Variants in COL25A1 observed in about 807,000 individuals in gnomAD.
The protein encoded by COL25A1 is collagen type XXV alpha 1 chain.
In COL25A1, 103 loss-of-function variants were observed where a neutral mutation model predicts 128.4. That is an observed-to-expected ratio of 0.80 (90% CI 0.68 to 0.94). COL25A1 has a LOEUF of 0.94. Ranked by LOEUF, COL25A1 falls within the 40% of genes least tolerant of loss-of-function variation. The pLI is 0.00. For synonymous variants in COL25A1, 279 were observed against 277.2 expected, an observed-to-expected ratio of 1.01 and a Z score of -0.06; for missense variants, 745 against 840.0, an observed-to-expected ratio of 0.89 and a Z score of 1.40.
intron 21 of COL25A1, among the ~76,000 whole-genome samples, 169 bp downstream of exon 21, chr4:108,863,150 G>A (rs1737461915): frequency 6.6e-6 from 1 of 152,202 alleles, no homozygotes; most frequent in Non-Finnish European, 1.5e-5. Context: ...TTAACAGGGT[G>A]AGGTGAATTG....
intron 3 of COL25A1, among the ~76,000 whole-genome samples, chr4:109,191,499 G>A (rs1270969551): frequency 2.0e-5 from 3 of 152,136 alleles, no homozygotes; most frequent in African/African-American, 7.2e-5. Context: ...TTCCAGCCAC[G>A]TTCCCTGAAA....
At chr4:109,001,917 T>C (rs1317879179) in intron 6 of COL25A1, among the ~76,000 whole-genome samples, 1 of 152,152 alleles carries the variant, frequency 6.6e-6, no homozygotes, top group Non-Finnish European at 1.5e-5. Flanking sequence ...GTGACATTTT[T>C]CCAAAGAAGA....
intron 3 of COL25A1, among the ~76,000 whole-genome samples, chr4:109,294,273 T>TTCATTTAAATGAA (rs1451393355): frequency 6.6e-6 from 1 of 152,106 alleles, no homozygotes; most frequent in Admixed American, 6.6e-5. Context: ...AATGGCTCCT[T>TTCATTTAAATGAA]TCATTTAAAT....
chr4:109,107,226 T>G (rs866167907), intron 3 of COL25A1, among the ~76,000 whole-genome samples: 7 of 152,324 alleles, frequency 4.6e-5, no homozygotes, highest in African/African-American at 1.7e-4. Context: ...CACCTTTTTT[T>G]ACCCTGTCTC....
intron 3 of COL25A1, among the ~76,000 whole-genome samples, chr4:109,234,825 C>T (rs1043219641): frequency 6.6e-6 from 1 of 152,000 alleles, no homozygotes; most frequent in Non-Finnish European, 1.5e-5. Context: ...TTAGCCTATT[C>T]CCATCCCGTT....
chr4:109,196,416 T>C (rs1458096455), intron 3 of COL25A1, among the ~76,000 whole-genome samples: 2 of 152,180 alleles, frequency 1.3e-5, no homozygotes, highest in Non-Finnish European at 2.9e-5. Flanking sequence ...TATATATGTG[T>C]ATATATGTAT....
intron 31 of COL25A1, among the ~76,000 whole-genome samples, chr4:108,836,486 C>T (rs1733829865): frequency 6.6e-6 from 1 of 152,026 alleles, no homozygotes; most frequent in Non-Finnish European, 1.5e-5. Context: ...TGTTTGAGGC[C>T]ATGAGTTAGA....
intron 33 of COL25A1, among the ~76,000 whole-genome samples, chr4:108,825,507 G>A (rs1183608879): frequency 3.9e-5 from 6 of 151,906 alleles, no homozygotes; most frequent in East Asian, 1.9e-4. Context: ...ATACTGTTTA[G>A]TTGATTAGTG....
intron 5 of COL25A1, among the ~76,000 whole-genome samples, chr4:109,047,158 G>A (rs1760502341): frequency 6.6e-6 from 1 of 152,120 alleles, no homozygotes; most frequent in Admixed American, 6.5e-5. Context: ...AGCTCACTGG[G>A]GGTATCATTT....
intron 27 of COL25A1, among the ~76,000 whole-genome samples, chr4:108,847,152 C>A (rs1265903132): frequency 6.6e-6 from 1 of 152,078 alleles, no homozygotes; most frequent in African/African-American, 2.4e-5. Flanking sequence ...GTGATCTGCT[C>A]ACCTTGGCCT....
intron 3 of COL25A1, among the ~76,000 whole-genome samples, chr4:109,211,289 A>AATATATAT (rs1560874692): frequency 3.1e-5 from 1 of 32,378 alleles, no homozygotes; most frequent in Non-Finnish European, 5.7e-5. Flanking sequence ...TATATATGAA[A>AATATATAT]CTATATATAT....
chr4:109,161,297 T>C (rs916384207), intron 3 of COL25A1, among the ~76,000 whole-genome samples: 6 of 152,200 alleles, frequency 3.9e-5, no homozygotes, highest in African/African-American at 1.2e-4. Flanking sequence ...AAATATTCTA[T>C]AGTGTATGGG....
intron 3 of COL25A1, among the ~76,000 whole-genome samples, chr4:109,211,234 A>ATG (rs1777483082): frequency 3.3e-5 from 3 of 89,910 alleles, no homozygotes; most frequent in African/African-American, 8.4e-5. Flanking sequence ...GTGTGTGTGT[A>ATG]TGTATATATA....
At chr4:109,217,948 T>C (rs1469795019) in intron 3 of COL25A1, among the ~76,000 whole-genome samples, 1 of 152,208 alleles carries the variant, frequency 6.6e-6, no homozygotes, top group Non-Finnish European at 1.5e-5. Flanking sequence ...GGAGGCTGAC[T>C]GTATATACAA....
intron 3 of COL25A1, among the ~76,000 whole-genome samples, chr4:109,235,394 G>C (rs1779406361): frequency 6.6e-6 from 1 of 152,102 alleles, no homozygotes; most frequent in South Asian, 2.1e-4. Flanking sequence ...GCAGGGCTAT[G>C]TGCCTATCCA....
At chr4:108,950,166 G>A (rs1749244503) in intron 8 of COL25A1, among the ~76,000 whole-genome samples, 1 of 152,132 alleles carries the variant, frequency 6.6e-6, no homozygotes, top group African/African-American at 2.4e-5. Context: ...GAGGCATGAG[G>A]AGGCAGAGTG....
At chr4:109,182,330 G>A (rs1452396982) in intron 3 of COL25A1, among the ~76,000 whole-genome samples, 1 of 152,024 alleles carries the variant, frequency 6.6e-6, no homozygotes, top group African/African-American at 2.4e-5. Context: ...CACCAACTCC[G>A]TACCATTTTC....
chr4:109,195,149 T>A (rs1361806532), intron 3 of COL25A1, among the ~76,000 whole-genome samples: 2 of 152,108 alleles, frequency 1.3e-5, no homozygotes, highest in African/African-American at 4.8e-5. Flanking sequence ...AAACAATTGA[T>A]GTGCACATGT....
In COL25A1 at chr4:108,817,702, A is replaced by T. The variant is rs116386314; in HGVS notation, c.1924-267T>A. On this transcript the variant is annotated intron_variant, in intron 36 of 37. Coordinates refer to ENST00000399132, the MANE Select transcript of COL25A1 (RefSeq NM_198721.4). ...CTAATTTTGAAAAAGCAATTTACAA[A>T]GCATAGTGCTCTATTCATATCTATA... 2.6e-3 allele frequency among the ~76,000 whole-genome samples: 392 copies of T among 152,324 alleles called. 2 individuals are homozygous for T. Among genetic ancestry groups the T allele is most frequent in the African/African-American group, 9.1e-3 (377 of 41,590 alleles).
Sources: gnomAD v4.1 joint callset for allele counts (sites outside exome capture counted in the v4.1 genomes callset) on GRCh38, gnomAD v4.1.1 for gene constraint, MANE v1.5 for transcripts, NCBI Gene and HGNC (gene_info 2026-07-23, HGNC 2026-07-21) for gene names.